RAB38: variants seen among roughly 807,000 people sequenced by gnomAD.
RAB38 encodes ras-related protein Rab-38.
A neutral mutation model predicts 18.4 loss-of-function variants in RAB38; 15 were observed. The ratio of observed to expected loss-of-function variants is 0.82; its 90% CI spans 0.55 to 1.26. The LOEUF is 1.26. Among genes scored for constraint, RAB38 ranks in the 50% most tolerant of loss-of-function variants. The pLI, the probability that RAB38 is intolerant of heterozygous loss-of-function variation, is 0.00. For missense variants in RAB38, 294 were observed against 267.4 expected (o/e 1.10, Z -0.69); for synonymous variants, 101 against 104.4 (o/e 0.97, Z 0.20).
At chr11:88,037,418 T>G in the RAB38 span, among the ~76,000 whole-genome samples, 2 of 152,162 alleles carry the variant, frequency 1.3e-5, no homozygotes, top group Non-Finnish European at 2.9e-5. Context: ...TTTGACTTTT[T>G]AATATATTTT....
At chr11:88,095,900 C>T in the RAB38 span, among the ~76,000 whole-genome samples, 1 of 151,830 alleles carries the variant, frequency 6.6e-6, no homozygotes, top group African/African-American at 2.4e-5. Context: ...TTTGGTTCTG[C>T]TTTTGAGTCA....
At chr11:88,091,963 A>T in the RAB38 span, among the ~76,000 whole-genome samples, 25 of 151,900 alleles carry the variant, frequency 1.6e-4, no homozygotes, top group Admixed American at 1.4e-3. Context: ...GGTTATTTAG[A>T]ACTGTGAAGA....
chr11:88,033,248 G>A, the RAB38 span, among the ~76,000 whole-genome samples: 1 of 151,822 alleles, frequency 6.6e-6, no homozygotes, highest in African/African-American at 2.4e-5. Context: ...GAGGGGGGAG[G>A]GATAGCATTG....
intron 1 of RAB38, chr11:88,165,987 G>C (rs1413812056): frequency 1.3e-5 from 2 of 152,046 alleles, no homozygotes; most frequent in Admixed American, 1.3e-4. Flanking sequence ...ACTACTGACA[G>C]AGAGAACTAG....
the RAB38 span, among the ~76,000 whole-genome samples, chr11:87,857,278 G>A: frequency 6.6e-6 from 1 of 152,168 alleles, no homozygotes; most frequent in Non-Finnish European, 1.5e-5. Flanking sequence ...GGACATTTGG[G>A]TTGGTTCCAA....
the RAB38 span, among the ~76,000 whole-genome samples, chr11:88,051,832 C>G: frequency 1.4e-4 from 22 of 152,204 alleles, no homozygotes; most frequent in African/African-American, 5.3e-4. Flanking sequence ...AATATAATAA[C>G]TAAATAAAGG....
the RAB38 span, among the ~76,000 whole-genome samples, chr11:88,006,038 G>C: frequency 6.6e-6 from 1 of 151,394 alleles, no homozygotes; most frequent in Non-Finnish European, 1.5e-5. Context: ...CTATACATCT[G>C]ATAAGAGGCT....
chr11:88,117,980 C>G (rs111376959), intron 2 of RAB38, among the ~76,000 whole-genome samples: 4 of 152,236 alleles, frequency 2.6e-5, no homozygotes, highest in African/African-American at 4.8e-5. Flanking sequence ...GAGCTTCAGA[C>G]AGGGAAAGTG....
the RAB38 span, among the ~76,000 whole-genome samples, chr11:87,871,700 G>A: frequency 6.6e-6 from 1 of 151,366 alleles, no homozygotes; most frequent in East Asian, 2.0e-4. Context: ...TTTTCCCTGT[G>A]GCTAACAAAT....
the RAB38 span, among the ~76,000 whole-genome samples, chr11:87,911,177 C>T: frequency 6.6e-6 from 1 of 152,042 alleles, no homozygotes; most frequent in East Asian, 2.0e-4. Context: ...ATAGTAACTA[C>T]ACTATAGTCT....
the RAB38 span, among the ~76,000 whole-genome samples, chr11:88,049,134 C>A: frequency 6.6e-6 from 1 of 152,100 alleles, no homozygotes; most frequent in African/African-American, 2.4e-5. Context: ...AAACATCGCC[C>A]ATTATCTCTC....
chr11:87,943,459 A>G, the RAB38 span, among the ~76,000 whole-genome samples: 1 of 152,060 alleles, frequency 6.6e-6, no homozygotes, highest in African/African-American at 2.4e-5. Flanking sequence ...TCATTTATTC[A>G]ACAAAGATAC....
In RAB38 at chr11:88,149,859, G is replaced by C; in HGVS notation, c.299C>G (p.Ala100Gly). ...FDVTRPATFE[A>G]VAKWKNDLDS... is the part of the protein sequence containing the mutation. Reference sequence around the variant, plus strand: ...CAAATCATTTTTCCACTTTGCCACTGCTTCAAATGTGGCTGGCCTGGTGAC... The same window carrying C: ...CAAATCATTTTTCCACTTTGCCACTCCTTCAAATGTGGCTGGCCTGGTGAC... The change falls in exon 2 of 3, where the codon GCA becomes GGA. Residue 100 changes from alanine to glycine, a missense_variant. Ala to Gly is a moderately conservative substitution (Grantham distance 60). Transcript: ENST00000243662. The C allele has an allele frequency of 6.2e-7, 1 of 1,613,956 alleles. No individual in the cohort carries two copies. Among genetic ancestry groups the C allele is most frequent in the Admixed American group, 1.7e-5 (1 of 59,988 alleles).
At chr11:87,858,147 C>A in the RAB38 span, among the ~76,000 whole-genome samples, 56 of 152,156 alleles carry the variant, frequency 3.7e-4, no homozygotes, top group African/African-American at 1.3e-3. Flanking sequence ...TTGTTTTTGT[C>A]AGGTTTGTCA....
At chr11:87,973,144 A>G in the RAB38 span, among the ~76,000 whole-genome samples, 1 of 152,156 alleles carries the variant, frequency 6.6e-6, no homozygotes, top group Non-Finnish European at 1.5e-5. Context: ...GTATTTCTTT[A>G]TAGCAGTGTG....
At chr11:87,878,183 G>A in the RAB38 span, among the ~76,000 whole-genome samples, 2 of 130,374 alleles carry the variant, frequency 1.5e-5, no homozygotes, top group Admixed American at 8.0e-5. Context: ...CTTTTATCTT[G>A]GATGCCTAAT....
chr11:87,912,766 CT>C, the RAB38 span, among the ~76,000 whole-genome samples: 31 of 114,522 alleles, frequency 2.7e-4, no homozygotes, highest in Admixed American at 4.4e-4. Context: ...TTCTTTCTTT[CT>C]TTTTTTTTTT....
the RAB38 span, among the ~76,000 whole-genome samples, chr11:88,009,433 G>T: frequency 2.0e-5 from 3 of 152,124 alleles, no homozygotes; most frequent in African/African-American, 4.8e-5. Flanking sequence ...AAAAGAAAGG[G>T]ACAGATAATC....
intron 2 of RAB38, among the ~76,000 whole-genome samples, chr11:88,131,952 AC>A (rs547420735): frequency 2.9e-3 from 449 of 152,280 alleles, no homozygotes; most frequent in Non-Finnish European, 4.6e-3. Flanking sequence ...GCTGACAGCA[AC>A]CCCCAGGCAA....
Sources: gnomAD v4.1 joint callset for allele counts (sites outside exome capture counted in the v4.1 genomes callset) on GRCh38, gnomAD v4.1.1 for gene constraint, MANE v1.5 for transcripts, NCBI Gene and HGNC (gene_info 2026-07-23, HGNC 2026-07-21) for gene names.